Variants in TRIM7 observed in about 807,000 individuals in gnomAD.
The protein encoded by TRIM7 is E3 ubiquitin-protein ligase TRIM7.
TRIM7 carries 32 observed loss-of-function variants against 37.9 expected under a neutral mutation model. That is an observed-to-expected ratio of 0.84 (90% CI 0.64 to 1.13). TRIM7 has a LOEUF of 1.13. Ranked by LOEUF, TRIM7 falls within the 50% of genes most tolerant of loss-of-function variation. The pLI, the probability that TRIM7 is intolerant of heterozygous loss-of-function variation, is 0.00. For synonymous variants in TRIM7, 351 were observed against 321.3 expected (o/e 1.09, Z -0.99); for missense variants, 732 against 714.0 (o/e 1.03, Z -0.29).
Position 181,204,856 on chromosome 5 carries a change from C to T in TRIM7, c.255G>A (p.Ala85=), listed in dbSNP as rs1274937455. The stretch of plus-strand genomic sequence containing the variant: ...GGTTGGGCCGCAGCTGACTGGGGCG[C>T]GCGGGCTCGCGGCACTGCGGACAGG... ...PLPCPQCREP[A]RPSQLRPNRQ... Residue 85 remains alanine (A), a synonymous_variant, in exon 1 of 7, where the codon GCG becomes GCA. Coordinates refer to ENST00000274773, the MANE Select transcript of TRIM7 (RefSeq NM_203293.3). 7.5e-7 allele frequency: 1 copy of T among 1,339,172 alleles called. No individual in the cohort carries two copies. The highest frequency in any genetic ancestry group is 2.0e-5 in the South Asian group (1 of 49,736). The allele number at this position is 1,339,172 out of a possible 1,614,324, so 83.0% of individuals were successfully genotyped here.
At chr5:181,204,194 T>C in intron 1 of TRIM7, 1 of 1,016,126 alleles carries the variant, frequency 9.8e-7, no homozygotes, top group Non-Finnish European at 1.2e-6. Context: ...CAGAGCCCGC[T>C]TCGGGGAAAG....
At chr5:181,196,646 G>A (rs1181549026) in intron 6 of TRIM7, 1 of 152,284 alleles carries the variant, frequency 6.6e-6, no homozygotes, top group South Asian at 2.1e-4. Context: ...GAACCCAGGA[G>A]GCAGAGGTTG....
At position 181,204,616 on chromosome 5, in the gene TRIM7, C is replaced by A; in HGVS notation, c.495G>T (p.Pro165=). The change falls in exon 1 of 7, where the codon CCG becomes CCT. Residue 165 remains proline, a synonymous_variant. Transcript: ENST00000274773. ...TGGCCTCCTGCACCGCCTCGTCCAG[C>A]GGCAGCACGGCGTGCTCGCGGTGCT... The part of the protein sequence containing the change: ...AREHREHAVL[P]LDEAVQEAKE... The A allele has an allele frequency of 2.0e-6, 3 of 1,463,856 alleles. No individual in the cohort carries two copies. The highest frequency in any genetic ancestry group is 2.7e-6 in the Non-Finnish European group (3 of 1,120,808). 90.7% of individuals were successfully genotyped at this position (1,463,856 alleles called of 1,614,324 possible).
At chr5:181,198,910 G>A (rs542618244) in intron 4 of TRIM7, 105 bp from the exon 5 acceptor site, 8 of 1,184,060 alleles carry the variant, frequency 6.8e-6, no homozygotes, top group African/African-American at 1.5e-5. Context: ...GGTAGAAAAG[G>A]GAGAGCCAGA....
chr5:181,195,706 C>T, intron 6 of TRIM7, 29 bp from the exon 7 acceptor site: 1 of 1,507,412 alleles, frequency 6.6e-7, no homozygotes, highest in South Asian at 1.3e-5. Context: ...AGAAATGTCC[C>T]CACGCAGCCA....
At chr5:181,204,214 T>G in intron 1 of TRIM7, 1 of 1,028,150 alleles carries the variant, frequency 9.7e-7, no homozygotes, top group Non-Finnish European at 1.2e-6. Context: ...GAGATAAGAG[T>G]GGGGGCAGCG....
intron 1 of TRIM7, chr5:181,204,208 T>TA (rs1160379139): frequency 9.8e-7 from 1 of 1,020,004 alleles, no homozygotes; most frequent in Non-Finnish European, 1.2e-6. Flanking sequence ...GGGAAAGAGA[T>TA]AAGAGTGGGG....
At chr5:181,203,402 A>G (rs933780312) in intron 2 of TRIM7, 143 bp downstream of exon 2, 7 of 1,505,696 alleles carry the variant, frequency 4.6e-6, no homozygotes, top group Middle Eastern at 1.8e-4. Flanking sequence ...TGGACACCCT[A>G]TATAATATGG....
intron 2 of TRIM7, chr5:181,201,070 G>A (rs1180500138): frequency 1.1e-5 from 3 of 278,360 alleles, no homozygotes; most frequent in Non-Finnish European, 1.6e-5. Context: ...CAGGCTTCTC[G>A]GCCAGTTGCC....
At chr5:181,200,204 C>T (rs368389149) in intron 2 of TRIM7, 123 bp from the exon 3 acceptor site, 531 of 1,581,006 alleles carry the variant, frequency 3.4e-4, no homozygotes, top group Non-Finnish European at 4.2e-4. Flanking sequence ...CGGAGACACA[C>T]CCACCTACGC....
Position 181,195,135 on chromosome 5 carries a change from C to T in TRIM7, c.*31G>A, listed in dbSNP as rs1424606791. 4 of 1,560,776 alleles carry T rather than the reference C, an allele frequency of 2.6e-6. No homozygotes were observed. In the South Asian group the frequency reaches 4.8e-5, roughly 19 times the overall value. ...AGGCGACATCCCCTCCCACCGGCAG[C>T]CCAGAGACAGGAGCTCCCCAGCAGT... On this transcript the variant is annotated 3_prime_UTR_variant, in exon 7 of 7. Transcript: ENST00000274773.
intron 2 of TRIM7, chr5:181,200,565 A>G (rs973483352): frequency 2.0e-5 from 20 of 1,011,836 alleles, no homozygotes; most frequent in Non-Finnish European, 2.4e-5. Flanking sequence ...CACATGCTCA[A>G]AATACAAAAC....
intron 1 of TRIM7, 126 bp downstream of exon 1, chr5:181,204,463 G>A (rs1582241253): frequency 8.5e-7 from 1 of 1,182,104 alleles, no homozygotes. Flanking sequence ...CTGGAATGGA[G>A]AAAGAAGGGA....
Position 181,194,909 on chromosome 5 carries a change from C to G in TRIM7, c.*257G>C. On this transcript the variant is annotated 3_prime_UTR_variant, in exon 7 of 7. Transcript: ENST00000274773. ...GAGCTGGGCTCCTGACCTCACCGGC[C>G]TCCACCTCCTGAAGGCTCTGGCCAA... The G allele has an allele frequency of 4.5e-6, 2 of 445,556 alleles. No homozygotes were observed. Among genetic ancestry groups the G allele is most frequent in the Non-Finnish European group, 7.9e-6 (2 of 252,742 alleles). The allele number at this position is 445,556 out of a possible 1,614,324, so 27.6% of individuals were successfully genotyped here.
chr5:181,199,413 C>T, intron 3 of TRIM7: 1 of 530,120 alleles, frequency 1.9e-6, no homozygotes, highest in Non-Finnish European at 3.4e-6. Flanking sequence ...GGACCCAGTG[C>T]TGCGTGTGTC....
chr5:181,204,902 C>G lies in TRIM7; in HGVS notation c.209G>C (p.Arg70Pro). The change falls in exon 1 of 7, where the codon CGC (arginine) becomes CCC (proline). Residue 70 changes from arginine (R) to proline (P), a missense_variant. Arg to Pro is a moderately radical substitution (Grantham distance 103). Transcript: ENST00000274773. Reference sequence around the variant, plus strand: ...ACAGGGCAGTGGGAAGGGGGGCGCGCGGGTGGCGGCCCCAACAGACCCCGC... The same window carrying G: ...ACAGGGCAGTGGGAAGGGGGGCGCGGGGGTGGCGGCCCCAACAGACCCCGC... ...PGAGSVGAAT[R>P]APPFPLPCPQ... The G allele has an allele frequency of 2.9e-6, 4 of 1,370,944 alleles. No homozygotes were observed. Among genetic ancestry groups the G allele is most frequent in the Non-Finnish European group, 3.7e-6 (4 of 1,071,556 alleles). The allele number at this position is 1,370,944 out of a possible 1,614,324, so 84.9% of individuals were successfully genotyped here. A position where few individuals can be genotyped will look rare whatever the true frequency, so the allele number is the denominator to read the frequency against.
chr5:181,195,520 C>T lies in TRIM7; in HGVS notation c.1182G>A (p.Ser394=), dbSNP rs773773428. The change falls in exon 7 of 7, where the codon TCG becomes TCA. Residue 394 remains serine, a synonymous_variant. Transcript: ENST00000274773. ...CCTCCACCTCCCAGTGATGCCGGCC[C>T]GAGGAGAAGCCGCAGGACGCCAGGA... The part of the protein sequence containing the change: ...TRVLASCGFS[S]GRHHWEVEVG... 1.2e-5 allele frequency: 20 copies of T among 1,612,422 alleles called. No homozygotes were observed. Among genetic ancestry groups the T allele is most frequent in the Non-Finnish European group, 1.7e-5 (20 of 1,179,496 alleles).
At chr5:181,201,035 G>T in intron 2 of TRIM7, 1 of 483,042 alleles carries the variant, frequency 2.1e-6, no homozygotes, top group Non-Finnish European at 2.7e-6. Context: ...ACAAAAGACA[G>T]ACACATCACC....
Position 181,195,596 on chromosome 5 carries a change from C to T in TRIM7, c.1106G>A (p.Arg369Gln), listed in dbSNP as rs768191915. Residue 369 changes from arginine (R) to glutamine (Q), a missense_variant, in exon 7 of 7, where the codon CGG becomes CAG. Transcript: ENST00000274773. ...LDLKGVRLGERAQDLPNHPCR... is the reference protein window; with the variant it reads ...LDLKGVRLGEQAQDLPNHPCR... Reference sequence around the variant, plus strand: ...GGGGTGGTTGGGCAGGTCCTGGGCCCGCTCGCCGAGGCGCACGCCCTTAAG... The same window carrying T: ...GGGGTGGTTGGGCAGGTCCTGGGCCTGCTCGCCGAGGCGCACGCCCTTAAG... 1 of 1,592,450 alleles carries T rather than the reference C, an allele frequency of 6.3e-7. No individual in the cohort carries two copies. The highest frequency in any genetic ancestry group is 1.3e-5 in the African/African-American group (1 of 74,320).
Sources: allele counts gnomAD v4.1 joint callset, GRCh38; gene constraint gnomAD v4.1.1; transcripts MANE v1.5; gene names NCBI Gene and HGNC (gene_info 2026-07-23, HGNC 2026-07-21).